Variants in RAB11FIP3 observed in about 807,000 individuals in gnomAD.
The protein encoded by RAB11FIP3 is RAB11 family interacting protein 3, also known as rab11 family-interacting protein 3.
In RAB11FIP3, 17 loss-of-function variants were observed where a neutral mutation model predicts 77.8. The observed-to-expected ratio is 0.22, with a 90% confidence interval of 0.15 to 0.33. RAB11FIP3 has a LOEUF of 0.33. Among genes scored for constraint, RAB11FIP3 ranks in the 10% least tolerant of loss-of-function variants. RAB11FIP3 has a pLI of 1.00. For synonymous variants in RAB11FIP3, 437 were observed against 448.2 expected (o/e 0.98, Z 0.31); for missense variants, 1,005 against 1,011.2 (o/e 0.99, Z 0.08).
At chr16:474,182 C>T (rs532971379) in intron 3 of RAB11FIP3, among the ~76,000 whole-genome samples, 9 of 152,020 alleles carry the variant, frequency 5.9e-5, no homozygotes, top group South Asian at 2.1e-4. Context: ...ATACCCTATT[C>T]GGGGACCCTC....
intron 4 of RAB11FIP3, among the ~76,000 whole-genome samples, chr16:483,123 A>G (rs1254883537): frequency 6.6e-6 from 1 of 152,092 alleles, no homozygotes; most frequent in Non-Finnish European, 1.5e-5. Flanking sequence ...GGATTTCTGT[A>G]GCCCCCGTAT....
chr16:466,626 C>T (rs191333459), intron 2 of RAB11FIP3, among the ~76,000 whole-genome samples: 135 of 152,314 alleles, frequency 8.9e-4, no homozygotes, highest in African/African-American at 3.1e-3. Flanking sequence ...CTGTGGTTGC[C>T]GGTGTCTTGG....
intron 1 of RAB11FIP3, among the ~76,000 whole-genome samples, chr16:443,283 G>A (rs576232547): frequency 1.3e-5 from 2 of 152,222 alleles, no homozygotes; most frequent in Middle Eastern, 3.4e-3. Context: ...CCTTTAAAGC[G>A]AAAGCAAGAA....
In RAB11FIP3 at chr16:505,667, C is replaced by T. The variant is rs1361746594; in HGVS notation, c.1499+40C>T. ...GGAGACCCGGGCCTCTGCGTGGCGCCTCCTGTGCCCGCCTGTCAGCCCCCA... is the reference window on the plus strand; with the variant it reads ...GGAGACCCGGGCCTCTGCGTGGCGCTTCCTGTGCCCGCCTGTCAGCCCCCA... On this transcript the variant is annotated intron_variant, in intron 8 of 13. Transcript: ENST00000262305. This position sits in a 1 kb window ranked among gnomAD's most constrained non-coding sequence, Gnocchi z 4.0. The T allele has an allele frequency of 4.1e-6, 6 of 1,475,354 alleles. No homozygotes were observed. The highest frequency in any genetic ancestry group is 1.2e-5 in the South Asian group (1 of 83,836). 91.4% of individuals were successfully genotyped at this position (1,475,354 alleles called of 1,614,324 possible).
In RAB11FIP3 at chr16:522,037, G is replaced by T. The variant is rs1026858417; in HGVS notation, c.*1198G>T. On this transcript the variant is annotated 3_prime_UTR_variant, in exon 14 of 14. Coordinates refer to ENST00000262305, the MANE Select transcript of RAB11FIP3 (RefSeq NM_014700.4). ...GGCCACCCGCTGCGTGTGTGTGCGC[G>T]CGCGTGTACGTGTGGCCCCACATCC... 3 of 147,170 alleles carry T rather than the reference G, an allele frequency of 2.0e-5. No homozygotes were observed. Among genetic ancestry groups the T allele is most frequent in the East Asian group, 4.1e-4 (2 of 4,836 alleles). 9.1% of individuals were successfully genotyped at this position (147,170 alleles called of 1,614,324 possible). A position where few individuals can be genotyped will look rare whatever the true frequency, so the allele number is the denominator to read the frequency against.
At chr16:519,917 C>G in intron 11 of RAB11FIP3, 26 bp downstream of exon 11, 1 of 1,553,878 alleles carries the variant, frequency 6.4e-7, no homozygotes, top group East Asian at 2.4e-5. Context: ...GCCCCACGCC[C>G]AGTCCTGCGC....
At chr16:518,893 G>A in intron 9 of RAB11FIP3, 50 bp from the exon 10 acceptor site, 1 of 1,597,428 alleles carries the variant, frequency 6.3e-7, no homozygotes, top group Non-Finnish European at 8.6e-7. Context: ...CACTGGCCCT[G>A]TAGAGGCGAG....
chr16:520,985 C>T lies in RAB11FIP3; in HGVS notation c.*146C>T, dbSNP rs1271554718. The stretch of plus-strand genomic sequence containing the variant: ...AACCCTCGTGCAGCTGAGCTGGGGC[C>T]GCCAAAGACCGGGGCTGCCAAAGGG... On this transcript the variant is annotated 3_prime_UTR_variant, in exon 14 of 14. Transcript: ENST00000262305. 7.3e-6 allele frequency: 5 copies of T among 682,182 alleles called. No homozygotes were observed. The highest frequency in any genetic ancestry group is 3.6e-5 in the South Asian group (2 of 56,242). The allele number at this position is 682,182 out of a possible 1,614,324, so 42.3% of individuals were successfully genotyped here.
At chr16:455,689 A>G (rs1357556776) in intron 1 of RAB11FIP3, among the ~76,000 whole-genome samples, 1 of 152,068 alleles carries the variant, frequency 6.6e-6, no homozygotes, top group South Asian at 2.1e-4. Flanking sequence ...TCAACCTCCC[A>G]GGCTCAGGCA....
Position 514,134 on chromosome 16 carries a change from C to G in RAB11FIP3, c.1640+3334C>G, listed in dbSNP as rs902552830. Among the ~76,000 whole-genome samples, 1 of 152,198 alleles carries G rather than the reference C, an allele frequency of 6.6e-6. No homozygotes were observed. Among genetic ancestry groups the G allele is most frequent in the Non-Finnish European group, 1.5e-5 (1 of 68,026 alleles). On this transcript the variant is annotated intron_variant, in intron 9 of 13. Coordinates refer to ENST00000262305, the MANE Select transcript of RAB11FIP3 (RefSeq NM_014700.4). The surrounding 1 kb of genome is among the most constrained non-coding windows in gnomAD (Gnocchi z 4.6). Reference sequence around the variant, plus strand: ...GAGCAAGCCGCCTGCCCACCCTAAGCGCTTGGGGTCAGTGCCACCGTGTTC... The same window carrying G: ...GAGCAAGCCGCCTGCCCACCCTAAGGGCTTGGGGTCAGTGCCACCGTGTTC...
At chr16:504,944 T>G (rs985121568) in intron 7 of RAB11FIP3, among the ~76,000 whole-genome samples, 1 of 93,678 alleles carries the variant, frequency 1.1e-5, no homozygotes, top group Non-Finnish European at 2.1e-5. Context: ...CACCTCCTCC[T>G]GTACCTCCTC....
chr16:482,256 T>G, intron 3 of RAB11FIP3: 1 of 609,824 alleles, frequency 1.6e-6, no homozygotes, highest in East Asian at 3.1e-5. Flanking sequence ...AAATTTCACT[T>G]TGTTGGCCAG....
intron 2 of RAB11FIP3, among the ~76,000 whole-genome samples, chr16:468,613 A>G (rs1263934437): frequency 1.3e-5 from 2 of 152,044 alleles, no homozygotes; most frequent in African/African-American, 4.8e-5. Context: ...GACCAGCAGG[A>G]TGTGCTGGCC....
chr16:479,971 G>A (rs2056001275), intron 3 of RAB11FIP3, among the ~76,000 whole-genome samples: 2 of 151,706 alleles, frequency 1.3e-5, no homozygotes, highest in South Asian at 2.1e-4. Flanking sequence ...TCTCAGACAT[G>A]TACCTATTTT....
intron 1 of RAB11FIP3, among the ~76,000 whole-genome samples, chr16:427,039 C>A (rs1304815616): frequency 6.6e-6 from 1 of 152,032 alleles, no homozygotes; most frequent in Non-Finnish European, 1.5e-5. Context: ...TGATCGCCAC[C>A]CCCCCAGGGT....
At position 460,036 on chromosome 16, in the gene RAB11FIP3, C is replaced by A. The variant is rs180798643; in HGVS notation, c.715-1368C>A. ...GGGATTACAGGCATGCGCCACCACG[C>A]CTGGCTGATTTTGTATTTTTAGTAG... On this transcript the variant is annotated intron_variant, in intron 1 of 13. Transcript: ENST00000262305. Among the ~76,000 whole-genome samples, 736 of 152,124 alleles carry A rather than the reference C, an allele frequency of 4.8e-3. 1 individual carries two copies. Among genetic ancestry groups the A allele is most frequent in the Non-Finnish European group, 7.5e-3 (510 of 68,008 alleles).
intron 1 of RAB11FIP3, among the ~76,000 whole-genome samples, chr16:450,828 C>T (rs1010949262): frequency 7.2e-6 from 1 of 138,896 alleles, no homozygotes; most frequent in African/African-American, 2.7e-5. Context: ...CCTCCCGCTC[C>T]CTCCCTCCCC....
At chr16:459,611 A>G (rs990322157) in intron 1 of RAB11FIP3, among the ~76,000 whole-genome samples, 3 of 150,574 alleles carry the variant, frequency 2.0e-5, no homozygotes, top group South Asian at 2.1e-4. Context: ...TAATTTTTGT[A>G]TTTTTAGTAG....
chr16:518,805 A>G, intron 9 of RAB11FIP3, 138 bp from the exon 10 acceptor site: 1 of 747,900 alleles, frequency 1.3e-6, no homozygotes, highest in South Asian at 1.6e-5. Context: ...GTGGGCACAT[A>G]AGGATTGGCC....
Sources: allele counts gnomAD v4.1 joint callset (sites outside exome capture counted in the v4.1 genomes callset), GRCh38; gene constraint gnomAD v4.1.1; non-coding constraint Gnocchi (gnomAD v3.1); transcripts MANE v1.5; gene names NCBI Gene and HGNC (gene_info 2026-07-23, HGNC 2026-07-21).